Variants in RORA observed in about 807,000 individuals in gnomAD.
The protein encoded by RORA is nuclear receptor ROR-alpha.
A neutral mutation model predicts 69.5 loss-of-function variants in RORA; 7 were observed. The ratio of observed to expected loss-of-function variants is 0.10; its 90% CI spans 0.06 to 0.19. The LOEUF is 0.19. Ranked by LOEUF, RORA falls within the 10% of genes least tolerant of loss-of-function variation. The pLI is 1.00. For synonymous variants in RORA, 261 were observed against 240.8 expected (o/e 1.08, Z -0.78); for missense variants, 457 against 663.0 (o/e 0.69, Z 3.41).
chr15:61,082,757 T>C (rs1432156872), intron 1 of RORA, among the ~76,000 whole-genome samples: 1 of 152,192 alleles, frequency 6.6e-6, no homozygotes, highest in African/African-American at 2.4e-5. Flanking sequence ...TGCTAAATCA[T>C]GTTTATAATT....
intron 1 of RORA, among the ~76,000 whole-genome samples, chr15:60,907,959 C>G (rs1891592579): frequency 2.0e-5 from 3 of 152,328 alleles, no homozygotes; most frequent in African/African-American, 7.2e-5. Flanking sequence ...ATGGGACTCC[C>G]TTGACTTCTT....
At chr15:61,105,590 T>C (rs1397179579) in intron 1 of RORA, among the ~76,000 whole-genome samples, 1 of 152,172 alleles carries the variant, frequency 6.6e-6, no homozygotes, top group Non-Finnish European at 1.5e-5. Flanking sequence ...TTGCCCCTCA[T>C]CTAAAATAGC....
intron 1 of RORA, among the ~76,000 whole-genome samples, chr15:61,014,440 T>A (rs1261805255): frequency 6.6e-6 from 1 of 152,332 alleles, no homozygotes; most frequent in Non-Finnish European, 1.5e-5. Context: ...CTATTAGGCA[T>A]AAGTATCCTA....
At chr15:60,896,716 ACT>A (rs1434435359) in intron 1 of RORA, among the ~76,000 whole-genome samples, 1 of 146,700 alleles carries the variant, frequency 6.8e-6, no homozygotes, top group Non-Finnish European at 1.5e-5. Flanking sequence ...AATTAGCAAG[ACT>A]CTGGAGAATT....
chr15:60,565,585 A>C (rs1234940489), intron 2 of RORA, among the ~76,000 whole-genome samples: 1 of 152,240 alleles, frequency 6.6e-6, no homozygotes, highest in African/African-American at 2.4e-5. Context: ...TGTTAAAATT[A>C]GTGATAAAGT....
intron 2 of RORA, among the ~76,000 whole-genome samples, chr15:60,533,089 C>T (rs1055422235): frequency 4.6e-5 from 7 of 152,176 alleles, no homozygotes; most frequent in African/African-American, 1.7e-4. Flanking sequence ...GGTGATGTTG[C>T]ATTCGATACT....
intron 1 of RORA, among the ~76,000 whole-genome samples, chr15:60,748,673 C>T (rs1196913713): frequency 2.0e-5 from 3 of 152,194 alleles, no homozygotes; most frequent in Non-Finnish European, 4.4e-5. Context: ...CCTCCCAGGT[C>T]TCAGCCTGGT....
chr15:61,210,671 C>G (rs117365756), intron 1 of RORA, among the ~76,000 whole-genome samples: 2,025 of 152,240 alleles, frequency 0.013, 21 homozygotes, highest in Middle Eastern at 0.027. Context: ...TAGATACACA[C>G]GCATTTTTTA....
At chr15:60,765,754 G>A (rs940290743) in intron 1 of RORA, 3 of 152,120 alleles carry the variant, frequency 2.0e-5, no homozygotes, top group African/African-American at 7.2e-5. Context: ...AGAATAAAAT[G>A]TAAGATCTTC....
intron 1 of RORA, among the ~76,000 whole-genome samples, chr15:60,769,434 G>T (rs1349877242): frequency 6.6e-6 from 1 of 152,142 alleles, no homozygotes; most frequent in African/African-American, 2.4e-5. Context: ...AACCCATTTG[G>T]TTGAGCACTG....
intron 1 of RORA, among the ~76,000 whole-genome samples, chr15:60,797,775 C>CTCA (rs1272378634): frequency 1.3e-5 from 2 of 152,074 alleles, no homozygotes; most frequent in Non-Finnish European, 2.9e-5. Flanking sequence ...TCTGGATGGG[C>CTCA]TCATCGAGCA....
intron 2 of RORA, among the ~76,000 whole-genome samples, chr15:60,651,785 C>A (rs2070146197): frequency 6.6e-6 from 1 of 152,196 alleles, no homozygotes; most frequent in Non-Finnish European, 1.5e-5. Context: ...TGAACAGCCA[C>A]TTTAGCCACC....
In RORA at chr15:60,891,698, T is replaced by C. The variant is rs188592267; in HGVS notation, c.167-213012A>G. 2.1e-3 allele frequency among the ~76,000 whole-genome samples: 325 copies of C among 152,334 alleles called. 1 individual carries two copies. Among genetic ancestry groups the C allele is most frequent in the African/African-American group, 6.6e-3 (275 of 41,590 alleles). ...CTCTGCCTGTCTTTCCAGCCTCATT[T>C]CCTGCTATTCTGCACGTGACTCCTT... On this transcript the variant is annotated intron_variant, in intron 1 of 10. Transcript: ENST00000335670.
intron 1 of RORA, among the ~76,000 whole-genome samples, chr15:61,041,529 A>T: frequency 6.6e-6 from 1 of 152,116 alleles, no homozygotes; most frequent in Non-Finnish European, 1.5e-5. Context: ...GGGGGTGGAA[A>T]TTCATTGGTT....
At chr15:61,158,974 T>C (rs1156739901) in intron 1 of RORA, among the ~76,000 whole-genome samples, 1 of 152,200 alleles carries the variant, frequency 6.6e-6, no homozygotes, top group Non-Finnish European at 1.5e-5. Flanking sequence ...GGTAGGATCT[T>C]TTCTCAGATT....
intron 1 of RORA, among the ~76,000 whole-genome samples, chr15:60,980,473 T>C (rs187395498): frequency 6.6e-6 from 1 of 152,312 alleles, no homozygotes; most frequent in East Asian, 1.9e-4. Context: ...TTTCTTTAAA[T>C]GTTTGGTAGA....
chr15:60,854,002 T>C (rs1321063689), intron 1 of RORA, among the ~76,000 whole-genome samples: 1 of 152,122 alleles, frequency 6.6e-6, no homozygotes, highest in Non-Finnish European at 1.5e-5. Context: ...GGTGGCTTAC[T>C]CCTGTAATCC....
rs552123488 is a variant in RORA, at chr15:61,152,179, A to G, written c.166+76874T>C. ...GCAGGAAAGCAAATGTTATAAACAC[A>G]TATTTTAAATGAACGTTTTTCTGAA... On this transcript the variant is annotated intron_variant, in intron 1 of 10. Transcript: ENST00000335670. Among the ~76,000 whole-genome samples, 12 of 152,318 alleles carry G rather than the reference A, an allele frequency of 7.9e-5. No individual in the cohort carries two copies. The South Asian group carries it at 1.2e-3, about 16-fold the overall frequency.
chr15:61,144,646 GT>G (rs1390214150), intron 1 of RORA, among the ~76,000 whole-genome samples: 1 of 152,170 alleles, frequency 6.6e-6, no homozygotes, highest in African/African-American at 2.4e-5. Context: ...AGATAACATG[GT>G]TGGCAACAGA....
Sources: allele counts gnomAD v4.1 joint callset (sites outside exome capture counted in the v4.1 genomes callset), GRCh38; gene constraint gnomAD v4.1.1; transcripts MANE v1.5; gene names NCBI Gene and HGNC (gene_info 2026-07-23, HGNC 2026-07-21).